DOCK5: variants seen among roughly 807,000 people sequenced by gnomAD.
DOCK5 encodes dedicator of cytokinesis 5, also known as dedicator of cytokinesis protein 5.
In DOCK5, 142 loss-of-function variants were observed where a neutral mutation model predicts 251.8. The observed-to-expected ratio is 0.56, with a 90% CI of 0.49 to 0.65. DOCK5 has a LOEUF of 0.65. Among genes scored for constraint, DOCK5 ranks in the 30% least tolerant of loss-of-function variants. The pLI is 0.00. For synonymous variants in DOCK5, 842 were observed against 835.5 expected, an observed-to-expected ratio of 1.01 and a Z score of -0.13; for missense variants, 2,111 against 2,312.3, an observed-to-expected ratio of 0.91 and a Z score of 1.79.
At chr8:25,336,397 G>T in intron 22 of DOCK5, 24 bp downstream of exon 22, 1 of 1,607,846 alleles carries the variant, frequency 6.2e-7, no homozygotes, top group African/African-American at 1.3e-5. Flanking sequence ...CAGTGAAGAT[G>T]TTTAGATTAT....
Position 25,393,018 on chromosome 8 carries a change from A to G in DOCK5, c.4527+136A>G, listed in dbSNP as rs551540754. On this transcript the variant is annotated intron_variant, in intron 44 of 51. Transcript: ENST00000276440. ...GCCAACTTTGTTTTTCAAAAGAGAA[A>G]TAAAAGGCATGCTTATATAATAGAG... 1,970 of 695,016 alleles carry G rather than the reference A, an allele frequency of 2.8e-3. 14 individuals are homozygous for G. Among genetic ancestry groups the G allele is most frequent in the Non-Finnish European group, 3.4e-3 (1,382 of 401,668 alleles). The allele number at this position is 695,016 out of a possible 1,614,324, so 43.1% of individuals were successfully genotyped here. A position where few individuals can be genotyped will look rare whatever the true frequency, so the allele number is the denominator to read the frequency against.
At chr8:25,398,134 C>A (rs1021086190) in intron 45 of DOCK5, among the ~76,000 whole-genome samples, 1 of 152,162 alleles carries the variant, frequency 6.6e-6, no homozygotes, top group Non-Finnish European at 1.5e-5. Flanking sequence ...CAGAACCCTA[C>A]TAGAAAAATG....
intron 1 of DOCK5, among the ~76,000 whole-genome samples, chr8:25,185,161 A>G (rs966319874): frequency 2.0e-5 from 3 of 152,086 alleles, no homozygotes; most frequent in African/African-American, 4.8e-5. Context: ...GAGTGCTTCC[A>G]AGTGCAGCTG....
intron 2 of DOCK5, among the ~76,000 whole-genome samples, chr8:25,249,099 A>G (rs768609925): frequency 8.5e-5 from 13 of 152,130 alleles, no homozygotes; most frequent in Non-Finnish European, 1.8e-4. Flanking sequence ...TTTGGACTCA[A>G]CGGATGCTCC....
At chr8:25,288,374 G>A (rs541994086) in intron 5 of DOCK5, among the ~76,000 whole-genome samples, 20 of 152,180 alleles carry the variant, frequency 1.3e-4, no homozygotes, top group Non-Finnish European at 1.9e-4. Flanking sequence ...GTGTGTTATA[G>A]CTTGTCTATT....
chr8:25,210,080 TTATC>T (rs34206435), intron 1 of DOCK5, among the ~76,000 whole-genome samples: 5,011 of 26,266 alleles, frequency 0.19, 1,517 homozygotes, highest in East Asian at 0.32. Flanking sequence ...ATCTGTCTAT[TTATC>T]TATCTATCTA....
chr8:25,255,484 A>G (rs565959331), intron 2 of DOCK5, among the ~76,000 whole-genome samples: 17 of 152,350 alleles, frequency 1.1e-4, no homozygotes, highest in African/African-American at 2.9e-4. Context: ...AGGAAAAACT[A>G]TGGAGATGGT....
chr8:25,315,186 C>A (rs1205820257), intron 13 of DOCK5, among the ~76,000 whole-genome samples: 1 of 143,688 alleles, frequency 7.0e-6, no homozygotes, highest in Non-Finnish European at 1.5e-5. Flanking sequence ...TTATATCTGT[C>A]TCTGCAGCCT....
intron 2 of DOCK5, among the ~76,000 whole-genome samples, chr8:25,258,834 A>G (rs1803491366): frequency 6.6e-6 from 1 of 152,178 alleles, no homozygotes; most frequent in Non-Finnish European, 1.5e-5. Context: ...AAAAAATTAA[A>G]TAGACCGGAC....
chr8:25,219,429 C>G (rs991980831), intron 1 of DOCK5, among the ~76,000 whole-genome samples: 2 of 152,046 alleles, frequency 1.3e-5, no homozygotes, highest in Admixed American at 1.3e-4. Flanking sequence ...GGCTATCATC[C>G]GAGACCTCCT....
At chr8:25,252,065 G>A (rs1388068728) in intron 2 of DOCK5, among the ~76,000 whole-genome samples, 2 of 151,896 alleles carry the variant, frequency 1.3e-5, no homozygotes, top group African/African-American at 4.8e-5. Context: ...CTTTAGAGAT[G>A]TGGTAATAGG....
chr8:25,187,374 G>GTGTGTGTA (rs926056339), intron 1 of DOCK5, among the ~76,000 whole-genome samples: 6 of 148,276 alleles, frequency 4.0e-5, no homozygotes, highest in African/African-American at 1.6e-4. Flanking sequence ...TTGTGTGTGT[G>GTGTGTGTA]TGTGTGTGTG....
intron 23 of DOCK5, 63 bp downstream of exon 23, chr8:25,341,051 T>C (rs1021022406): frequency 7.8e-7 from 1 of 1,285,834 alleles, no homozygotes; most frequent in Non-Finnish European, 1.1e-6. Flanking sequence ...CTGGGACCGC[T>C]TAGAATTGGC....
At chr8:25,371,742 A>G (rs1403162125) in intron 34 of DOCK5, among the ~76,000 whole-genome samples, 2 of 152,192 alleles carry the variant, frequency 1.3e-5, no homozygotes, top group Non-Finnish European at 2.9e-5. Flanking sequence ...GATTTGTTTT[A>G]CATAAGGATC....
At chr8:25,397,240 A>G (rs1801361974) in intron 45 of DOCK5, among the ~76,000 whole-genome samples, 1 of 152,052 alleles carries the variant, frequency 6.6e-6, no homozygotes, top group Admixed American at 6.5e-5. Context: ...AAAAGAAGAA[A>G]AATGCCTGAC....
At chr8:25,262,035 A>G (rs1803599915) in intron 2 of DOCK5, among the ~76,000 whole-genome samples, 1 of 152,236 alleles carries the variant, frequency 6.6e-6, no homozygotes, top group South Asian at 2.1e-4. Flanking sequence ...ACTCCCATTG[A>G]TGTACATTTT....
intron 44 of DOCK5, 55 bp from the exon 45 acceptor site, chr8:25,395,488 G>T (rs536677322): frequency 1.3e-6 from 2 of 1,559,998 alleles, no homozygotes; most frequent in African/African-American, 1.4e-5. Flanking sequence ...ACTTTTTTCA[G>T]TCTTTACTTG....
chr8:25,406,649 A>T (rs1801528485), intron 48 of DOCK5, among the ~76,000 whole-genome samples: 1 of 151,074 alleles, frequency 6.6e-6, no homozygotes, highest in Non-Finnish European at 1.5e-5. Context: ...TTTTTTTGAG[A>T]CAGAGTCTCG....
Position 25,256,323 on chromosome 8 carries a change from GT to G in DOCK5, c.128-12518del, listed in dbSNP as rs1803419289. ...ATTACTAACCTTGAATACTTGTTTA[GT>G]TTTCACCAATGCCAGTGTAAGAATC... On this transcript the variant is annotated intron_variant, in intron 2 of 51. Transcript: ENST00000276440. 2.0e-5 allele frequency among the ~76,000 whole-genome samples: 3 copies of G among 152,254 alleles called. No individual in the cohort carries two copies. The South Asian group carries it at 6.2e-4, about 32-fold the overall frequency.
Sources: allele counts gnomAD v4.1 joint callset (sites outside exome capture counted in the v4.1 genomes callset), GRCh38; gene constraint gnomAD v4.1.1; transcripts MANE v1.5; gene names NCBI Gene and HGNC (gene_info 2026-07-23, HGNC 2026-07-21).